Variants in SPAG16 observed in about 807,000 individuals in gnomAD.
SPAG16 encodes sperm associated antigen 16.
In SPAG16, 86 loss-of-function variants were observed where a neutral mutation model predicts 80.4. The observed-to-expected ratio is 1.07, with a 90% CI of 0.90 to 1.28. The LOEUF is 1.28. SPAG16 is among the 50% of genes most tolerant of loss of function. The pLI, the probability that SPAG16 is intolerant of heterozygous loss-of-function variation, is 0.00. For missense variants in SPAG16, 870 were observed against 765.3 expected, an observed-to-expected ratio of 1.14 and a Z score of -1.61; for synonymous variants, 294 against 265.9, an observed-to-expected ratio of 1.11 and a Z score of -1.03.
intron 12 of SPAG16, among the ~76,000 whole-genome samples, chr2:213,943,547 T>A (rs1230140720): frequency 6.6e-6 from 1 of 152,164 alleles, no homozygotes; most frequent in Non-Finnish European, 1.5e-5. Context: ...CTGGGTGAAT[T>A]GTATTCATGT....
At chr2:214,286,383 G>A (rs1468536982) in intron 15 of SPAG16, among the ~76,000 whole-genome samples, 1 of 152,150 alleles carries the variant, frequency 6.6e-6, no homozygotes, top group Non-Finnish European at 1.5e-5. Context: ...GAATGCTTAT[G>A]TAATTTATTT....
chr2:213,524,671 T>C (rs144645922), intron 10 of SPAG16, among the ~76,000 whole-genome samples: 1 of 152,346 alleles, frequency 6.6e-6, no homozygotes, highest in East Asian at 1.9e-4. Context: ...CCTGACTGGA[T>C]TTCGGACTTG....
intron 9 of SPAG16, 70 bp from the exon 10 acceptor site, chr2:213,489,893 A>C (rs1367923820): frequency 1.0e-5 from 12 of 1,178,246 alleles, no homozygotes; most frequent in African/African-American, 1.6e-5. Context: ...TTTAATATTA[A>C]ATCAGAGTAT....
At chr2:213,400,383 A>G (rs2068247900) in intron 9 of SPAG16, among the ~76,000 whole-genome samples, 1 of 152,100 alleles carries the variant, frequency 6.6e-6, no homozygotes, top group South Asian at 2.1e-4. Flanking sequence ...GGTTTCCATT[A>G]TGGTTTGTTC....
At chr2:213,616,124 A>G (rs2061588620) in intron 10 of SPAG16, among the ~76,000 whole-genome samples, 2 of 152,196 alleles carry the variant, frequency 1.3e-5, no homozygotes, top group South Asian at 4.1e-4. Flanking sequence ...TTGGTTAACA[A>G]ATGCTCAAAG....
intron 15 of SPAG16, among the ~76,000 whole-genome samples, chr2:214,246,540 C>T (rs1689860810): frequency 6.6e-6 from 1 of 151,946 alleles, no homozygotes; most frequent in South Asian, 2.1e-4. Flanking sequence ...TACTATAAGC[C>T]CTTGACTATG....
chr2:213,352,548 T>C (rs906063536), intron 7 of SPAG16, among the ~76,000 whole-genome samples: 12 of 152,216 alleles, frequency 7.9e-5, no homozygotes, highest in Non-Finnish European at 1.6e-4. Context: ...TGCTCCTTGA[T>C]GGTTTAGTGG....
chr2:213,672,217 G>T (rs574490759), intron 10 of SPAG16, among the ~76,000 whole-genome samples: 1 of 151,504 alleles, frequency 6.6e-6, no homozygotes, highest in African/African-American at 2.4e-5. Context: ...CTTTCCAGGG[G>T]CCTAGTACTA....
rs1004369089 is a variant in SPAG16 at position 213,431,951 on chromosome 2, T to C, written c.942+56832T>C. On this transcript the variant is annotated intron_variant, in intron 9 of 15. Transcript: ENST00000331683. The stretch of plus-strand genomic sequence containing the variant: ...TAGAAGTTAATACCAAGCAGAACTC[T>C]TGAAACTATAGAAATACATAGCAAT... Among the ~76,000 whole-genome samples the C allele has an allele frequency of 3.9e-5, 6 of 152,038 alleles. No homozygotes were observed. The East Asian group carries it at 7.7e-4, about 20-fold the overall frequency.
At chr2:213,731,167 TTTTTTTG>T (rs1307433098) in intron 10 of SPAG16, among the ~76,000 whole-genome samples, 2 of 148,220 alleles carry the variant, frequency 1.3e-5, no homozygotes, top group East Asian at 2.0e-4. Context: ...TTTTTTTTTT[TTTTTTTG>T]AGTTGGAGTT....
rs368732043 is a variant in SPAG16, at chr2:214,351,842, A to T, written c.1721-58298A>T. 4.4e-3 allele frequency among the ~76,000 whole-genome samples: 671 copies of T among 152,312 alleles called. 4 individuals are homozygous for T. Among genetic ancestry groups the T allele is most frequent in the African/African-American group, 0.015 (640 of 41,568 alleles). ...GTATATTCTATTTGACACACAAAAA[A>T]AATATACTGTCTTTTTCAATGGACT... is the stretch of plus-strand genomic sequence containing the variant. On this transcript the variant is annotated intron_variant, in intron 15 of 15. Transcript: ENST00000331683.
chr2:213,547,222 C>G (rs985067556), intron 10 of SPAG16, among the ~76,000 whole-genome samples: 1 of 151,950 alleles, frequency 6.6e-6, no homozygotes, highest in Non-Finnish European at 1.5e-5. Context: ...GAAATACCAC[C>G]TTTTTATAGT....
chr2:213,990,897 C>T lies in SPAG16; in HGVS notation c.1401-23054C>T, dbSNP rs891120930. 3.3e-5 allele frequency among the ~76,000 whole-genome samples: 5 copies of T among 152,272 alleles called. No homozygotes were observed. In the East Asian group the frequency reaches 9.7e-4, roughly 29 times the overall value. ...TTTGCCGCTTGAACCACTTTGTTTC[C>T]TCACATGAACTTGACTGATGGAAAC... On this transcript the variant is annotated intron_variant, in intron 12 of 15. Transcript: ENST00000331683.
chr2:213,989,143 T>A (rs751522396), intron 12 of SPAG16, among the ~76,000 whole-genome samples: 4 of 152,134 alleles, frequency 2.6e-5, no homozygotes, highest in Admixed American at 2.0e-4. Flanking sequence ...CTACAATGGA[T>A]TGAGACTGCT....
At chr2:214,214,300 G>C (rs1203947246) in intron 15 of SPAG16, among the ~76,000 whole-genome samples, 1 of 151,484 alleles carries the variant, frequency 6.6e-6, no homozygotes, top group Admixed American at 6.6e-5. Context: ...CTCCCAAGTA[G>C]CTGGGATTAC....
chr2:213,498,807 A>G (rs1188402532), intron 10 of SPAG16, among the ~76,000 whole-genome samples: 1 of 151,938 alleles, frequency 6.6e-6, no homozygotes, highest in African/African-American at 2.4e-5. Flanking sequence ...TTTACCACTT[A>G]TTTGTCACAT....
At chr2:213,693,390 C>T (rs2065026632) in intron 10 of SPAG16, among the ~76,000 whole-genome samples, 1 of 152,204 alleles carries the variant, frequency 6.6e-6, no homozygotes, top group Non-Finnish European at 1.5e-5. Context: ...AAGACCAAGC[C>T]CTACCTCAGC....
chr2:213,410,171 G>T (rs562151733), intron 9 of SPAG16, among the ~76,000 whole-genome samples: 1 of 152,034 alleles, frequency 6.6e-6, no homozygotes, highest in African/African-American at 2.4e-5. Flanking sequence ...AAACCCTACC[G>T]AACTAAAGCT....
chr2:213,691,644 A>G (rs778749614), intron 10 of SPAG16, among the ~76,000 whole-genome samples: 6 of 152,248 alleles, frequency 3.9e-5, no homozygotes, highest in Non-Finnish European at 8.8e-5. Flanking sequence ...AAGGATAGCT[A>G]GAAACTCTGT....
Sources: gnomAD v4.1 joint callset for allele counts (sites outside exome capture counted in the v4.1 genomes callset) on GRCh38, gnomAD v4.1.1 for gene constraint, MANE v1.5 for transcripts, NCBI Gene and HGNC (gene_info 2026-07-23, HGNC 2026-07-21) for gene names.